The following VPS13D variants were observed in gnomAD, a reference collection of about 807,000 sequenced individuals.
The protein encoded by VPS13D is vacuolar protein sorting 13 homolog D, also known as intermembrane lipid transfer protein VPS13D.
Under a neutral mutation model 461.9 loss-of-function variants are expected in VPS13D, and 187 were observed. The ratio of observed to expected loss-of-function variants is 0.40; its 90% CI spans 0.36 to 0.46. The LOEUF (loss-of-function observed/expected upper bound fraction) is 0.46. Among genes scored for constraint, VPS13D ranks in the 20% least tolerant of loss-of-function variants. The pLI is 0.60. For missense variants in VPS13D, 4,711 were observed against 5,364.9 expected, an observed-to-expected ratio of 0.88 and a Z score of 3.81; for synonymous variants, 1,951 against 1,986.3, an observed-to-expected ratio of 0.98 and a Z score of 0.47.
chr1:12,506,878 A>G lies in VPS13D; in HGVS notation c.12820A>G (p.Ser4274Gly), dbSNP rs766110624. Residue 4274 changes from serine (S) to glycine (G), a missense_variant, in exon 69 of 70, where the codon AGC (serine) becomes GGC (glycine). By Grantham distance (56) the Ser-to-Gly change is moderately conservative. Around this residue, in one of 3 missense-constraint regions of VPS13D, gnomAD observed 194 missense variants for 220.9 expected, o/e 0.88. Coordinates refer to ENST00000620676, the MANE Select transcript of VPS13D (RefSeq NM_015378.4). ...EFFIAVENID[S>G]YCVLISSKAV... ...CTTCATCGCTGTGGAGAACATTGAC[A>G]GCTACTGCGTGCTCATCTCCTCCAA... 11 of 1,614,276 alleles carry G rather than the reference A, an allele frequency of 6.8e-6. No individual in the cohort carries two copies. In the Admixed American group the frequency reaches 1.7e-4, roughly 24 times the overall value.
In VPS13D at chr1:12,348,920, A is replaced by T; in HGVS notation, c.9167A>T (p.Asn3056Ile). 2 of 1,614,202 alleles carry T rather than the reference A, an allele frequency of 1.2e-6. No individual in the cohort carries two copies. The highest frequency in any genetic ancestry group is 1.7e-6 in the Non-Finnish European group (2 of 1,180,028). The change falls in exon 45 of 70, where the codon AAC (asparagine) becomes ATC (isoleucine). Residue 3056 changes from asparagine (N) to isoleucine (I), a missense_variant. By Grantham distance (149) the Asn-to-Ile change is moderately radical. Around this residue, in one of 3 missense-constraint regions of VPS13D, gnomAD observed 4,411 missense variants for 4,937.8 expected, o/e 0.89. Coordinates refer to ENST00000620676, the MANE Select transcript of VPS13D (RefSeq NM_015378.4). ...ITVRSALIVR[N>I]RLETPMELRL... ...GTCCGGTCAGCCCTCATTGTGAGGA[A>T]CAGACTTGAGACACCAATGGAACTA...
At chr1:12,289,466 AG>A (rs1242387690) in intron 22 of VPS13D, among the ~76,000 whole-genome samples, 34 of 152,292 alleles carry the variant, frequency 2.2e-4, no homozygotes, top group African/African-American at 7.7e-4. Context: ...TTGATGCTGT[AG>A]TAAAAACAAG....
In VPS13D at chr1:12,401,716, T is replaced by C. The variant is rs1332354577; in HGVS notation, c.11881+12T>C. On this transcript the variant is annotated intron_variant, in intron 62 of 69. Coordinates refer to ENST00000620676, the MANE Select transcript of VPS13D (RefSeq NM_015378.4). ...TCAAGCAGAATCAGGTAATGTTGAA[T>C]GTTCTATGTCTGTGTTTGGGAATTG... 3.1e-6 allele frequency: 5 copies of C among 1,607,712 alleles called. No homozygotes were observed. The East Asian group carries it at 6.7e-5, about 22-fold the overall frequency.
chr1:12,281,442 C>T (rs976865081), intron 20 of VPS13D, among the ~76,000 whole-genome samples: 2 of 152,092 alleles, frequency 1.3e-5, no homozygotes, highest in Non-Finnish European at 2.9e-5. Flanking sequence ...GTCCCACTTT[C>T]TGGATTTGGC....
At chr1:12,469,038 GA>G (rs59166714) in intron 67 of VPS13D, among the ~76,000 whole-genome samples, 1,422 of 119,756 alleles carry the variant, frequency 0.012, 28 homozygotes, top group African/African-American at 0.04. Context: ...CTGTCTCAAA[GA>G]AAAAAAAAAA....
chr1:12,289,655 A>G (rs947251761), intron 22 of VPS13D, among the ~76,000 whole-genome samples: 3 of 151,066 alleles, frequency 2.0e-5, no homozygotes, highest in East Asian at 2.0e-4. Flanking sequence ...GACATTAGGT[A>G]TCTAAAATAA....
intron 60 of VPS13D, among the ~76,000 whole-genome samples, chr1:12,389,729 A>C (rs2101661033): frequency 6.6e-6 from 1 of 152,240 alleles, no homozygotes; most frequent in South Asian, 2.1e-4. Flanking sequence ...CAAGCACCTC[A>C]TCAGGTCATG....
chr1:12,380,215 T>TA (rs1279787165), intron 57 of VPS13D, among the ~76,000 whole-genome samples: 1 of 151,952 alleles, frequency 6.6e-6, no homozygotes, highest in Admixed American at 6.6e-5. Context: ...AATGTAATTT[T>TA]AAAAAGAAAA....
rs567932489 is a variant in VPS13D, at chr1:12,340,158, C to T, written c.8627-1622C>T. Among the ~76,000 whole-genome samples the T allele has an allele frequency of 2.0e-5, 3 of 152,294 alleles. No homozygotes were observed. The South Asian group carries it at 6.2e-4, about 32-fold the overall frequency. Reference sequence around the variant, plus strand: ...TCTTGTCAGCAGCCTTACAGCTACTCCTTAATTTTCTACTTGATGAGCACT... The same window carrying T: ...TCTTGTCAGCAGCCTTACAGCTACTTCTTAATTTTCTACTTGATGAGCACT... On this transcript the variant is annotated intron_variant, in intron 40 of 69. Transcript: ENST00000620676.
At chr1:12,331,971 A>G (rs1294654991) in intron 37 of VPS13D, among the ~76,000 whole-genome samples, 1 of 152,234 alleles carries the variant, frequency 6.6e-6, no homozygotes, top group Non-Finnish European at 1.5e-5. Context: ...TCTGTTAAAA[A>G]TTAATTGGCT....
chr1:12,336,008 C>T (rs1047109926), intron 39 of VPS13D, 181 bp downstream of exon 39: 5 of 797,436 alleles, frequency 6.3e-6, no homozygotes, highest in Non-Finnish European at 7.6e-6. Context: ...AACTACTGAA[C>T]TTATAAATGT....
chr1:12,481,856 C>T (rs184687646), intron 67 of VPS13D, among the ~76,000 whole-genome samples: 59 of 152,290 alleles, frequency 3.9e-4, no homozygotes, highest in African/African-American at 1.3e-3. Flanking sequence ...AAGGGAATTT[C>T]GGGCAAGCAA....
chr1:12,256,575 C>T lies in VPS13D; in HGVS notation c.840+72C>T, dbSNP rs183119562. The T allele has an allele frequency of 1.3e-4, 205 of 1,528,752 alleles. No individual in the cohort carries two copies. The African/African-American group carries it at 1.7e-3, about 13-fold the overall frequency. The allele number at this position is 1,528,752 out of a possible 1,614,324, so 94.7% of individuals were successfully genotyped here. A position where few individuals can be genotyped will look rare whatever the true frequency, so the allele number is the denominator to read the frequency against. On this transcript the variant is annotated intron_variant, in intron 8 of 69. Coordinates refer to ENST00000620676, the MANE Select transcript of VPS13D (RefSeq NM_015378.4). ...ACTGCAGTGAAAGTCTTGATATTAA[C>T]GTATCCTCAGCAGGAAAGAAAGTTC...
intron 65 of VPS13D, among the ~76,000 whole-genome samples, chr1:12,442,368 A>G (rs1310988880): frequency 2.0e-5 from 3 of 152,184 alleles, no homozygotes; most frequent in Admixed American, 6.5e-5. Context: ...ATCACCTTCT[A>G]AGTGCTCTGT....
chr1:12,236,049 G>A (rs1446738905), intron 2 of VPS13D, among the ~76,000 whole-genome samples: 2 of 152,210 alleles, frequency 1.3e-5, no homozygotes, highest in Non-Finnish European at 2.9e-5. Context: ...AATGTATCTT[G>A]TAACAACTGT....
intron 65 of VPS13D, among the ~76,000 whole-genome samples, chr1:12,430,646 A>G (rs1045367750): frequency 4.6e-5 from 7 of 152,118 alleles, no homozygotes; most frequent in Non-Finnish European, 1.0e-4. Flanking sequence ...CACTGAGCCC[A>G]CTCTTTTCCT....
intron 65 of VPS13D, among the ~76,000 whole-genome samples, chr1:12,433,165 T>C (rs1257222789): frequency 1.3e-5 from 2 of 152,110 alleles, no homozygotes; most frequent in Non-Finnish European, 2.9e-5. Flanking sequence ...GGGCTGTAAC[T>C]GTCAGGCTGA....
chr1:12,509,186 A>T lies in VPS13D; in HGVS notation c.*162A>T. The T allele has an allele frequency of 1.2e-6, 1 of 826,928 alleles. No individual in the cohort carries two copies. The highest frequency in any genetic ancestry group is 1.8e-6 in the Non-Finnish European group (1 of 563,364). 51.2% of individuals were successfully genotyped at this position (826,928 alleles called of 1,614,324 possible). On this transcript the variant is annotated 3_prime_UTR_variant, in exon 70 of 70. Transcript: ENST00000620676. ...CCTCATGAGGAAAAGTACAAATGGA[A>T]ATCGTATTAATTTGTGAGGCAGGGA...
At position 12,277,072 on chromosome 1, in the gene VPS13D, C is replaced by G; in HGVS notation, c.3484C>G (p.Gln1162Glu). ...AGGAACTTACCAGTCTACATATGAA[C>G]AAAACACTGAGGTTGCAGTGGAAAT... is the stretch of plus-strand genomic sequence containing the variant. ...EQGTYQSTYE[Q>E]NTEVAVEIHR... The change falls in exon 19 of 70, where the codon CAA (glutamine) becomes GAA (glutamate). Residue 1162 changes from glutamine (Q) to glutamate (E), a missense_variant. By Grantham distance (29) the Gln-to-Glu change is conservative. Coordinates refer to ENST00000620676, the MANE Select transcript of VPS13D (RefSeq NM_015378.4). 6.2e-7 allele frequency: 1 copy of G among 1,614,096 alleles called. No individual in the cohort carries two copies. The highest frequency in any genetic ancestry group is 1.1e-5 in the South Asian group (1 of 91,074).
Sources: gnomAD v4.1 joint callset for allele counts (sites outside exome capture counted in the v4.1 genomes callset) on GRCh38, gnomAD v4.1.1 for gene constraint, gnomAD v4.1.1 regional missense constraint, MANE v1.5 for transcripts, NCBI Gene and HGNC (gene_info 2026-07-23, HGNC 2026-07-21) for gene names.